The following FYB1 variants were observed in gnomAD, a reference collection of about 807,000 sequenced individuals.
FYB1 encodes the protein FYN-binding protein 1.
A neutral mutation model predicts 94.1 loss-of-function variants in FYB1; 41 were observed. The observed-to-expected ratio is 0.44, with a 90% CI of 0.34 to 0.57. The LOEUF (loss-of-function observed/expected upper bound fraction) is 0.57. Ranked by LOEUF, FYB1 falls within the 20% of genes least tolerant of loss-of-function variation. FYB1 has a pLI of 0.02. For synonymous variants in FYB1, 367 were observed against 353.2 expected (o/e 1.04, Z -0.44); for missense variants, 1,050 against 976.8 (o/e 1.07, Z -1.00).
In FYB1 at chr5:39,140,714, C is replaced by T. The variant is rs372632201; in HGVS notation, c.1339+381G>A. On this transcript the variant is annotated intron_variant, in intron 4 of 18. Coordinates refer to ENST00000512982, the MANE Select transcript of FYB1 (RefSeq NM_001465.6). ...TGCATACCATGGAGTACAGTGCAGTCGTTAACAGTAACAGGCTAAACACAC... is the reference window on the plus strand; with the variant it reads ...TGCATACCATGGAGTACAGTGCAGTTGTTAACAGTAACAGGCTAAACACAC... Among the ~76,000 whole-genome samples the T allele has an allele frequency of 7.9e-5, 12 of 152,222 alleles. No individual in the cohort carries two copies. In the South Asian group the frequency reaches 1.9e-3, roughly 24 times the overall value.
At chr5:39,196,935 A>G (rs751869087) in intron 2 of FYB1, among the ~76,000 whole-genome samples, 1 of 152,214 alleles carries the variant, frequency 6.6e-6, no homozygotes, top group Non-Finnish European at 1.5e-5. Flanking sequence ...CATAATGTGT[A>G]TGTGGTATAT....
At chr5:39,124,362 G>T in intron 12 of FYB1, 84 bp from the exon 13 acceptor site, 1 of 867,812 alleles carries the variant, frequency 1.2e-6, no homozygotes, top group Non-Finnish European at 1.7e-6. Flanking sequence ...GTATAAAGGG[G>T]CAATAGCCTA....
intron 1 of FYB1, among the ~76,000 whole-genome samples, chr5:39,249,930 G>C (rs1751644384): frequency 6.6e-6 from 1 of 152,154 alleles, no homozygotes. Context: ...AAAGGACCTG[G>C]TGGGAGATGA....
At chr5:39,179,992 T>A (rs1746071618) in intron 2 of FYB1, among the ~76,000 whole-genome samples, 1 of 152,180 alleles carries the variant, frequency 6.6e-6, no homozygotes, top group Admixed American at 6.5e-5. Context: ...GTACCCCATA[T>A]TCTCCTTACC....
At chr5:39,180,311 C>T (rs1306413856) in intron 2 of FYB1, among the ~76,000 whole-genome samples, 1 of 152,286 alleles carries the variant, frequency 6.6e-6, no homozygotes, top group African/African-American at 2.4e-5. Context: ...TCAAGCCTTG[C>T]CTCCTTTGTT....
At chr5:39,215,687 A>C (rs1297767536) in intron 1 of FYB1, among the ~76,000 whole-genome samples, 1 of 152,228 alleles carries the variant, frequency 6.6e-6, no homozygotes, top group East Asian at 1.9e-4. Flanking sequence ...AGTGGCAGAA[A>C]TTCAGTGGCA....
chr5:39,170,108 G>T (rs1745110384), intron 2 of FYB1: 3 of 836,672 alleles, frequency 3.6e-6, no homozygotes, highest in African/African-American at 1.7e-5. Flanking sequence ...GTGGCTTTTT[G>T]ATTTCAAATG....
At chr5:39,230,868 C>T (rs1253532250) in intron 1 of FYB1, among the ~76,000 whole-genome samples, 1 of 151,512 alleles carries the variant, frequency 6.6e-6, no homozygotes, top group African/African-American at 2.4e-5. Context: ...CACACACACA[C>T]ACACACACAC....
At chr5:39,178,058 A>G (rs1339736681) in intron 2 of FYB1, among the ~76,000 whole-genome samples, 1 of 152,178 alleles carries the variant, frequency 6.6e-6, no homozygotes, top group East Asian at 1.9e-4. Context: ...CATTGACCTC[A>G]TGCAGCATTT....
rs545847406 is a variant in FYB1, at chr5:39,106,290, C to T, written c.*1153G>A. 1.3e-5 allele frequency: 2 copies of T among 152,132 alleles called. No individual in the cohort carries two copies. The highest frequency in any genetic ancestry group is 2.9e-5 in the Non-Finnish European group (2 of 68,000). The allele number at this position is 152,132 out of a possible 1,614,324, so 9.4% of individuals were successfully genotyped here. A position where few individuals can be genotyped will look rare whatever the true frequency, so the allele number is the denominator to read the frequency against. On this transcript the variant is annotated 3_prime_UTR_variant, in exon 19 of 19. Coordinates refer to ENST00000512982, the MANE Select transcript of FYB1 (RefSeq NM_001465.6). ...AGAAGAGCCAGCATTATGATGTACT[C>T]ATTTTGTACTCTAGGAGTTGTTAAA...
At chr5:39,263,855 G>C (rs995464114) in intron 1 of FYB1, among the ~76,000 whole-genome samples, 1 of 152,174 alleles carries the variant, frequency 6.6e-6, no homozygotes, top group Non-Finnish European at 1.5e-5. Flanking sequence ...CACTTCAGAA[G>C]TAGCCCTACC....
At chr5:39,234,905 G>C in intron 1 of FYB1, among the ~76,000 whole-genome samples, 1 of 152,088 alleles carries the variant, frequency 6.6e-6, no homozygotes, top group East Asian at 1.9e-4. Context: ...TCGGGGGCAA[G>C]GGGTGGGATA....
intron 13 of FYB1, among the ~76,000 whole-genome samples, chr5:39,123,939 T>C (rs1740374220): frequency 6.6e-6 from 1 of 152,196 alleles, no homozygotes; most frequent in African/African-American, 2.4e-5. Context: ...AGAAGTCTCA[T>C]ATATCAAGCT....
chr5:39,248,602 G>T (rs1438724920), intron 1 of FYB1, among the ~76,000 whole-genome samples: 2 of 152,202 alleles, frequency 1.3e-5, no homozygotes, highest in African/African-American at 4.8e-5. Flanking sequence ...ACTTTGGGCG[G>T]CTGAGGTGGG....
In FYB1 at chr5:39,264,421, G is replaced by A. The variant is rs192932886; in HGVS notation, c.-28+9982C>T. On this transcript the variant is annotated intron_variant, in intron 1 of 1. Transcript: ENST00000510188. ...TAAAAAATAAATTTCTGTTGTTTACGAGCTACCCAGTCTAAGGTGTTTTGC... is the reference window on the plus strand; with the variant it reads ...TAAAAAATAAATTTCTGTTGTTTACAAGCTACCCAGTCTAAGGTGTTTTGC... Among the ~76,000 whole-genome samples the A allele has an allele frequency of 3.2e-4, 49 of 152,248 alleles. No individual in the cohort carries two copies. The South Asian group carries it at 5.8e-3, about 18-fold the overall frequency.
In FYB1 at chr5:39,243,400, G is replaced by T. The variant is rs1097201; in HGVS notation, c.-28+31003C>A. Among the ~76,000 whole-genome samples, 52 of 150,542 alleles carry T rather than the reference G, an allele frequency of 3.5e-4. 1 individual carries two copies. Among genetic ancestry groups the T allele is most frequent in the African/African-American group, 1.2e-3 (50 of 40,136 alleles). ...CAGCACCATTTATTAAATAGGGAAT[G>T]CTTTCCCCATTTCTTGTTTTTGTCA... On this transcript the variant is annotated intron_variant, in intron 1 of 1. Coordinates refer to the FYB1 transcript ENST00000510188.
intron 1 of FYB1, among the ~76,000 whole-genome samples, chr5:39,272,430 C>T (rs964145307): frequency 6.6e-6 from 1 of 151,764 alleles, no homozygotes; most frequent in Admixed American, 6.6e-5. Context: ...TTTGGGAGGC[C>T]GAGGCAGGCG....
intron 8 of FYB1, 122 bp from the exon 9 acceptor site, chr5:39,134,471 C>T (rs1580351119): frequency 1.1e-6 from 1 of 937,796 alleles, no homozygotes; most frequent in Non-Finnish European, 1.5e-6. Context: ...TCTTGTAGTT[C>T]TGATTTGTAG....
chr5:39,206,676 C>T (rs700185), intron 1 of FYB1, among the ~76,000 whole-genome samples: 116,906 of 152,106 alleles, frequency 0.77, 47,110 homozygotes, highest in Non-Finnish European at 0.9. Flanking sequence ...TAGCAATGTT[C>T]CGTTTTAATC....
Sources: gnomAD v4.1 joint callset for allele counts (sites outside exome capture counted in the v4.1 genomes callset) on GRCh38, gnomAD v4.1.1 for gene constraint, MANE v1.5 for transcripts, NCBI Gene and HGNC (gene_info 2026-07-23, HGNC 2026-07-21) for gene names.